The following DMXL1 variants were observed in gnomAD, a reference collection of about 807,000 sequenced individuals.
DMXL1 encodes the protein dmX-like protein 1.
A neutral mutation model predicts 319.2 loss-of-function variants in DMXL1; 99 were observed. That is an observed-to-expected ratio of 0.31 (90% CI 0.26 to 0.37). The LOEUF (loss-of-function observed/expected upper bound fraction) is 0.37, where lower values mean the gene tolerates loss of function less well. Ranked by LOEUF, DMXL1 falls within the 10% of genes least tolerant of loss-of-function variation. DMXL1 has a pLI of 1.00. For synonymous variants in DMXL1, 1,385 were observed against 1,235.2 expected, an observed-to-expected ratio of 1.12 and a Z score of -2.54; for missense variants, 3,745 against 3,595.6, an observed-to-expected ratio of 1.04 and a Z score of -1.06.
At chr5:119,189,427 T>A (rs1367407693) in intron 28 of DMXL1, among the ~76,000 whole-genome samples, 3 of 152,206 alleles carry the variant, frequency 2.0e-5, no homozygotes, top group Non-Finnish European at 4.4e-5. Context: ...AATTGTGGAC[T>A]GATTTATGGG....
At chr5:119,193,730 G>A (rs756079209) in intron 29 of DMXL1, 98 bp from the exon 30 acceptor site, 179 of 1,163,940 alleles carry the variant, frequency 1.5e-4, no homozygotes, top group South Asian at 1.8e-4. Context: ...TTATAATGAA[G>A]TATCTGCAAA....
At chr5:119,227,169 G>T (rs1785738324) in intron 38 of DMXL1, among the ~76,000 whole-genome samples, 1 of 151,990 alleles carries the variant, frequency 6.6e-6, no homozygotes, top group Non-Finnish European at 1.5e-5. Flanking sequence ...CAGGATCCAG[G>T]GACAAAGACC....
intron 13 of DMXL1, among the ~76,000 whole-genome samples, chr5:119,141,760 C>T (rs895868546): frequency 2.0e-5 from 3 of 152,196 alleles, no homozygotes; most frequent in Admixed American, 2.0e-4. Context: ...CTAGAGAAAC[C>T]TATTTTAAAA....
chr5:119,164,436 AACAT>A, intron 19 of DMXL1, 67 bp from the exon 20 acceptor site: 1 of 1,335,112 alleles, frequency 7.5e-7, no homozygotes, highest in Non-Finnish European at 1.0e-6. Flanking sequence ...GAAAATATGG[AACAT>A]ACATTTCTGA....
At chr5:119,216,353 T>C (rs1209133475) in intron 34 of DMXL1, among the ~76,000 whole-genome samples, 1 of 152,134 alleles carries the variant, frequency 6.6e-6, no homozygotes, top group African/African-American at 2.4e-5. Context: ...CTTGGGCAAG[T>C]TACATTGCCT....
At chr5:119,225,133 T>A (rs1247797699) in intron 38 of DMXL1, among the ~76,000 whole-genome samples, 1 of 152,004 alleles carries the variant, frequency 6.6e-6, no homozygotes, top group African/African-American at 2.4e-5. Flanking sequence ...ATTATTTTAA[T>A]AATAGAACCA....
chr5:119,094,495 G>A (rs1002665315), intron 1 of DMXL1, among the ~76,000 whole-genome samples: 1 of 152,214 alleles, frequency 6.6e-6, no homozygotes, highest in Non-Finnish European at 1.5e-5. Context: ...CCTGTGCTCT[G>A]ATCAGGCAGG....
At chr5:119,109,008 T>C (rs148320624) in intron 4 of DMXL1, among the ~76,000 whole-genome samples, 1 of 151,096 alleles carries the variant, frequency 6.6e-6, no homozygotes, top group Non-Finnish European at 1.5e-5. Flanking sequence ...TCCATGTTGG[T>C]CAGGTTAATC....
intron 25 of DMXL1, 53 bp from the exon 26 acceptor site, chr5:119,175,208 A>G: frequency 7.0e-7 from 1 of 1,429,978 alleles, no homozygotes. Context: ...CTTGAAAAAA[A>G]ATCTGCACTT....
At chr5:119,188,446 G>C (rs113102575) in intron 28 of DMXL1, among the ~76,000 whole-genome samples, 3,396 of 152,194 alleles carry the variant, frequency 0.022, 112 homozygotes, top group African/African-American at 0.077. Context: ...ATGATAAATT[G>C]ATATATTTAT....
chr5:119,093,086 C>T (rs536881963), intron 1 of DMXL1, among the ~76,000 whole-genome samples: 2 of 151,604 alleles, frequency 1.3e-5, no homozygotes, highest in Non-Finnish European at 2.9e-5. Context: ...TTGTGGCAAC[C>T]CTTTGTTGAG....
rs1777349172 is a variant in DMXL1 at position 119,184,528 on chromosome 5, T to C, written c.7136-5180T>C. 6.6e-5 allele frequency among the ~76,000 whole-genome samples: 10 copies of C among 152,346 alleles called. No individual in the cohort carries two copies. The South Asian group carries it at 1.9e-3, about 28-fold the overall frequency. On this transcript the variant is annotated intron_variant, in intron 28 of 43. Coordinates refer to ENST00000539542, the MANE Select transcript of DMXL1 (RefSeq NM_001290321.3). ...GACTAAAAACACATGATATAAAATT[T>C]AGCAAGTGAACCATTTTTAAGTATA...
In DMXL1 at chr5:119,216,901, A is replaced by G. The variant is rs200217973; in HGVS notation, c.7927A>G (p.Ile2643Val). The change falls in exon 35 of 44, where the codon ATA becomes GTA. Residue 2643 changes from isoleucine (I) to valine (V), a missense_variant and splice_region_variant. Physicochemically the swap from Ile to Val is conservative, Grantham distance 29. Coordinates refer to ENST00000539542, the MANE Select transcript of DMXL1 (RefSeq NM_001290321.3). Reference sequence around the variant, plus strand: ...TTGTGTTTTGTTTCCTTTTATTTAGATAGAAGCAGATTTGGGATATCCTGG... The same window carrying G: ...TTGTGTTTTGTTTCCTTTTATTTAGGTAGAAGCAGATTTGGGATATCCTGG... ...SMMEEPNINKIEADLGYPGGK... is the reference protein window; with the variant it reads ...SMMEEPNINKVEADLGYPGGK... 69 of 1,576,234 alleles carry G rather than the reference A, an allele frequency of 4.4e-5. No homozygotes were observed. Among genetic ancestry groups the G allele is most frequent in the Non-Finnish European group, 5.4e-5 (62 of 1,153,168 alleles).
At chr5:119,171,744 G>T (rs778482039) in intron 24 of DMXL1, 34 bp from the exon 25 acceptor site, 13 of 1,543,168 alleles carry the variant, frequency 8.4e-6, no homozygotes, top group East Asian at 2.3e-5. Context: ...ACTGTAAATA[G>T]TTGGTTAACC....
intron 1 of DMXL1, among the ~76,000 whole-genome samples, chr5:119,076,981 A>G (rs1470183737): frequency 6.6e-6 from 1 of 152,220 alleles, no homozygotes; most frequent in Non-Finnish European, 1.5e-5. Context: ...TTAGTAATAG[A>G]TTATTCTGAT....
At position 119,100,956 on chromosome 5, in the gene DMXL1, A is replaced by G. The variant is rs185901010; in HGVS notation, c.214-979A>G. On this transcript the variant is annotated intron_variant, in intron 2 of 43. Coordinates refer to ENST00000539542, the MANE Select transcript of DMXL1 (RefSeq NM_001290321.3). ...CATCGCCCGGCTAATTTTTTTTTGT[A>G]TTTTTTAGTAAAGACGGGGTTTCAC... Among the ~76,000 whole-genome samples, 216 of 148,910 alleles carry G rather than the reference A, an allele frequency of 1.5e-3. 1 individual carries two copies. Among genetic ancestry groups the G allele is most frequent in the African/African-American group, 4.4e-3 (178 of 40,668 alleles).
intron 1 of DMXL1, among the ~76,000 whole-genome samples, chr5:119,077,807 C>G (rs10072897): frequency 7.4e-6 from 1 of 134,266 alleles, no homozygotes; most frequent in African/African-American, 3.0e-5. Context: ...ACTTACCTGG[C>G]GAGACCCTAT....
rs572665818 is a variant in DMXL1, at chr5:119,192,519, C to T, written c.7315-1309C>T. 5.3e-4 allele frequency among the ~76,000 whole-genome samples: 81 copies of T among 152,318 alleles called. 1 individual carries two copies. The highest frequency in any genetic ancestry group is 9.6e-4 in the Non-Finnish European group (65 of 68,026). On this transcript the variant is annotated intron_variant, in intron 29 of 43. Coordinates refer to ENST00000539542, the MANE Select transcript of DMXL1 (RefSeq NM_001290321.3). ...GCTTTCTACTGCCTTTTTCCCCTTTCATACTTACTTATATAACTTTCTGAC... is the reference window on the plus strand; with the variant it reads ...GCTTTCTACTGCCTTTTTCCCCTTTTATACTTACTTATATAACTTTCTGAC...
rs1776132783 is a variant in DMXL1, at chr5:119,178,020, T to G, written c.6911T>G (p.Leu2304Trp). 6.2e-7 allele frequency: 1 copy of G among 1,608,278 alleles called. No individual in the cohort carries two copies. Among genetic ancestry groups the G allele is most frequent in the Non-Finnish European group, 8.5e-7 (1 of 1,176,708 alleles). The stretch of plus-strand genomic sequence containing the variant: ...GGAATAACTTGTCTAATTCGACTTT[T>G]GAATTCTTCTGGCGAGGAAGCCCAG... ...WPGITCLIRL[L>W]NSSGEEAQSG... The change falls in exon 28 of 44, where the codon TTG becomes TGG. Residue 2304 changes from leucine (L) to tryptophan (W), a missense_variant. This residue lies in a region of DMXL1 where 1,382 missense variants were observed against 1,269.5 expected (regional missense o/e 1.09). Transcript: ENST00000539542.
Sources: gnomAD v4.1 joint callset for allele counts (sites outside exome capture counted in the v4.1 genomes callset) on GRCh38, gnomAD v4.1.1 for gene constraint, gnomAD v4.1.1 regional missense constraint, MANE v1.5 for transcripts, NCBI Gene and HGNC (gene_info 2026-07-23, HGNC 2026-07-21) for gene names.